The following ACTR8 variants were observed in gnomAD, a reference collection of about 807,000 sequenced individuals.
The protein encoded by ACTR8 is actin-related protein 8.
A neutral mutation model predicts 84.3 loss-of-function variants in ACTR8; 70 were observed. The ratio of observed to expected loss-of-function variants is 0.83; its 90% CI spans 0.68 to 1.01. The LOEUF (loss-of-function observed/expected upper bound fraction) is 1.01. Among genes scored for constraint, ACTR8 ranks in the 50% least tolerant of loss-of-function variants. ACTR8 has a pLI of 0.00. For synonymous variants in ACTR8, 268 were observed against 275.2 expected (o/e 0.97, Z 0.26); for missense variants, 672 against 775.4 (o/e 0.87, Z 1.58).
the ACTR8 span, chr3:53,861,394 A>T: frequency 8.5e-5 from 13 of 152,252 alleles, 1 homozygote; most frequent in Admixed American, 3.3e-4. Flanking sequence ...AAGATAAATG[A>T]ATCCAGCGTA....
intron 7 of ACTR8, 136 bp from the exon 8 acceptor site, chr3:53,874,500 A>T: frequency 1.2e-6 from 1 of 818,070 alleles, no homozygotes. Context: ...TGAGATGAGC[A>T]GATCACTTGA....
At chr3:53,865,860 C>T (rs1385219025), downstream of ACTR8, 1 of 152,282 alleles carries the variant, frequency 6.6e-6, no homozygotes, top group Non-Finnish European at 1.5e-5. Flanking sequence ...TTGCATAAGA[C>T]CTTCCCTCTA....
At chr3:53,866,341 G>A (rs551667067), downstream of ACTR8, among the ~76,000 whole-genome samples, 36 of 147,738 alleles carry the variant, frequency 2.4e-4, no homozygotes, top group East Asian at 2.1e-3. Flanking sequence ...CGGTGATTGT[G>A]CCACTGCACT....
rs528191435 is a variant in ACTR8, at chr3:53,877,402, G to C, written c.511-15C>G. 2.5e-6 allele frequency: 4 copies of C among 1,580,034 alleles called. No individual in the cohort carries two copies. The African/African-American group carries it at 4.1e-5, about 16-fold the overall frequency. On this transcript the variant is annotated splice_polypyrimidine_tract_variant and intron_variant, in intron 4 of 12. Coordinates refer to ENST00000335754, the MANE Select transcript of ACTR8 (RefSeq NM_022899.5). ...ACATACAAGGCCTAGAAAAGGAGGA[G>C]GGAGATGAGTACTTTGTTAAAACTT...
Position 53,872,456 on chromosome 3 carries a change from G to A in ACTR8, c.1230C>T (p.His410=). 6.2e-7 allele frequency: 1 copy of A among 1,611,376 alleles called. No individual in the cohort carries two copies. The highest frequency in any genetic ancestry group is 8.5e-7 in the Non-Finnish European group (1 of 1,179,082). ...IVGQKMTTLQ[H]RSQGDPEDPH... ...GATCCTCAGGATCGCCCTGAGATCT[G>A]TGCTGCAAAGTCGTCATTTTCTGTC... Residue 410 remains histidine (H), a synonymous_variant, in exon 10 of 13, where the codon CAC becomes CAT. Coordinates refer to ENST00000335754, the MANE Select transcript of ACTR8 (RefSeq NM_022899.5).
At chr3:53,879,902 A>C (rs760736425) in intron 2 of ACTR8, 37 bp downstream of exon 2, 6 of 1,554,848 alleles carry the variant, frequency 3.9e-6, no homozygotes, top group Non-Finnish European at 4.4e-6. Flanking sequence ...CCAGGGAAAC[A>C]ACCTTAGGCT....
rs1559793895 is a variant in ACTR8, at chr3:53,876,090, GAAAA to G, written c.779-14_779-11del. 9 of 1,589,198 alleles carry G rather than the reference GAAAA, an allele frequency of 5.7e-6. No homozygotes were observed. The African/African-American group carries it at 1.3e-4, about 24-fold the overall frequency. ...TGATGGACCACAATCCCTGGGGGGGGAAAAGAAAAGGCAGAGTAGTCATTAGCTG... is the reference window on the plus strand; with the variant it reads ...TGATGGACCACAATCCCTGGGGGGGGGAAAAGGCAGAGTAGTCATTAGCTG... On this transcript the variant is annotated splice_polypyrimidine_tract_variant and intron_variant, in intron 6 of 12. Transcript: ENST00000335754.
the ACTR8 span, chr3:53,859,228 C>T: frequency 6.4e-6 from 1 of 157,266 alleles, no homozygotes; most frequent in Middle Eastern, 3.2e-3. Flanking sequence ...GGTCACATGG[C>T]CAACATTTGG....
At position 53,870,484 on chromosome 3, in the gene ACTR8, C is replaced by T. The variant is rs1393423650; in HGVS notation, c.1568-339G>A. The stretch of plus-strand genomic sequence containing the variant: ...TGGCCAACATAGTGAAACCCTGTCT[C>T]TACTAAAAATACAAAAAGTAGCCGG... On this transcript the variant is annotated intron_variant, in intron 11 of 12. Coordinates refer to ENST00000335754, the MANE Select transcript of ACTR8 (RefSeq NM_022899.5). The surrounding 1 kb of genome is among the most constrained non-coding windows in gnomAD (Gnocchi z 4.1). 6.6e-6 allele frequency among the ~76,000 whole-genome samples: 1 copy of T among 152,252 alleles called. No homozygotes were observed. The highest frequency in any genetic ancestry group is 3.4e-3 in the Middle Eastern group (1 of 294).
At chr3:53,876,518 CAAATAAAT>C (rs1024282031) in intron 6 of ACTR8, 94 bp downstream of exon 6, 12 of 739,192 alleles carry the variant, frequency 1.6e-5, no homozygotes, top group East Asian at 6.1e-5. Flanking sequence ...GACTCTGTCT[CAAATAAAT>C]AAATAAATAA....
Position 53,881,901 on chromosome 3 carries a change from C to G in ACTR8, c.123+78G>C, listed in dbSNP as rs71301855. ...GGCCTGCAAGGGGGACTCGAAGCCTCCCGCCGCCTCCCGCCCCTTGCCTGG... is the reference window on the plus strand; with the variant it reads ...GGCCTGCAAGGGGGACTCGAAGCCTGCCGCCGCCTCCCGCCCCTTGCCTGG... On this transcript the variant is annotated intron_variant, in intron 1 of 12. Transcript: ENST00000335754. The G allele has an allele frequency of 2.6e-6, 4 of 1,544,078 alleles. No individual in the cohort carries two copies. In the Admixed American group the frequency reaches 7.8e-5, roughly 30 times the overall value.
downstream of ACTR8, among the ~76,000 whole-genome samples, chr3:53,863,516 G>A (rs913780002): frequency 6.6e-5 from 10 of 152,170 alleles, no homozygotes; most frequent in Non-Finnish European, 1.0e-4. Context: ...AAAGCCACAG[G>A]GGCACCTGGA....
intron 4 of ACTR8, 23 bp from the exon 5 acceptor site, chr3:53,877,410 A>G: frequency 6.4e-7 from 1 of 1,565,546 alleles, no homozygotes; most frequent in Non-Finnish European, 8.6e-7. Context: ...GAGGGAGATG[A>G]GTACTTTGTT....
the ACTR8 span, chr3:53,860,071 A>T: frequency 1.7e-6 from 2 of 1,157,586 alleles, no homozygotes; most frequent in South Asian, 1.3e-5. Context: ...CTTAGTTTTT[A>T]AATTAAGAGA....
the ACTR8 span, chr3:53,859,028 G>A: frequency 4.1e-6 from 2 of 486,280 alleles, no homozygotes; most frequent in Admixed American, 3.6e-5. Context: ...AAAACCACTC[G>A]TGACTCTTTA....
At chr3:53,875,614 A>C (rs1699953212) in intron 7 of ACTR8, among the ~76,000 whole-genome samples, 1 of 152,240 alleles carries the variant, frequency 6.6e-6, no homozygotes, top group African/African-American at 2.4e-5. Context: ...GCTCTGCTAT[A>C]AGGATGTGAT....
chr3:53,880,045 G>A lies in ACTR8; in HGVS notation c.188C>T (p.Ala63Val), dbSNP rs1700035525. The A allele has an allele frequency of 6.2e-7, 1 of 1,614,146 alleles. No individual in the cohort carries two copies. The change falls in exon 2 of 13, where the codon GCC becomes GTC. Residue 63 changes from alanine (A) to valine (V), a missense_variant. Coordinates refer to ENST00000335754, the MANE Select transcript of ACTR8 (RefSeq NM_022899.5). ...AATGCTGGCAGGAAGAGTGTCTGTG[G>A]CTCGACCAATCCTTAAAGTTGTTGA... ...PGSTTLRIGR[A>V]TDTLPASIPH...
chr3:53,859,060 G>GA, the ACTR8 span: 1 of 410,602 alleles, frequency 2.4e-6, no homozygotes. Flanking sequence ...ACACAGAAGG[G>GA]AAAAAAATAC....
chr3:53,868,788 CCA>C lies in ACTR8; in HGVS notation c.1804_1805del (p.Trp602AspfsTer50), dbSNP rs1352701253. The part of the protein sequence containing the change: ...LACLDTTQEL[W>X]IYQREWQRFG... ...AGCGCTGCCACTCTCGCTGATAAAT[CCA>C]CAGTTCCTGTGTTGTATCCAAACAA... On this transcript the variant is annotated frameshift_variant, in exon 13 of 13. Transcript: ENST00000335754. LOFTEE classifies it high-confidence loss of function. The C allele has an allele frequency of 3.7e-6, 6 of 1,614,116 alleles. No homozygotes were observed. Among genetic ancestry groups the C allele is most frequent in the Non-Finnish European group, 5.1e-6 (6 of 1,180,060 alleles).
Sources: gnomAD v4.1 joint callset for allele counts (sites outside exome capture counted in the v4.1 genomes callset) on GRCh38, gnomAD v4.1.1 for gene constraint, Gnocchi (gnomAD v3.1) non-coding constraint, MANE v1.5 for transcripts, NCBI Gene and HGNC (gene_info 2026-07-23, HGNC 2026-07-21) for gene names.